CADM1: variants seen among roughly 807,000 people sequenced by gnomAD.
CADM1 encodes TSLC-1.
Under a neutral mutation model 53.1 loss-of-function variants are expected in CADM1, and 15 were observed. The ratio of observed to expected loss-of-function variants is 0.28; its 90% CI spans 0.19 to 0.44. The LOEUF (loss-of-function observed/expected upper bound fraction) is 0.44, where lower values mean the gene tolerates loss of function less well. Ranked by LOEUF, CADM1 falls within the 20% of genes least tolerant of loss-of-function variation. CADM1 has a pLI of 1.00. For synonymous variants in CADM1, 281 were observed against 243.0 expected (o/e 1.16, Z -1.45); for missense variants, 434 against 611.3 (o/e 0.71, Z 3.06).
chr11:115,441,036 T>TC (rs1948297899), intron 1 of CADM1, among the ~76,000 whole-genome samples: 1 of 151,976 alleles, frequency 6.6e-6, no homozygotes, highest in Non-Finnish European at 1.5e-5. Flanking sequence ...CACCTCTTCT[T>TC]CAAGTACAGA....
intron 1 of CADM1, among the ~76,000 whole-genome samples, chr11:115,284,202 C>T (rs1157643770): frequency 1.3e-5 from 2 of 150,896 alleles, no homozygotes; most frequent in Admixed American, 6.6e-5. Flanking sequence ...AAGAGAAGCA[C>T]TTGTAGTTTG....
intron 1 of CADM1, among the ~76,000 whole-genome samples, chr11:115,250,656 T>G (rs1234443850): frequency 6.6e-6 from 1 of 152,252 alleles, no homozygotes; most frequent in Non-Finnish European, 1.5e-5. Context: ...TTTAATCATC[T>G]GCATGATAAC....
intron 1 of CADM1, chr11:115,397,708 T>C (rs1324773436): frequency 6.7e-4 from 2 of 2,994 alleles, no homozygotes; most frequent in Admixed American, 5.4e-3. Flanking sequence ...AATAGAGACA[T>C]TGTACTCTAT....
chr11:115,462,687 T>A (rs1948822130), intron 1 of CADM1, among the ~76,000 whole-genome samples: 1 of 152,144 alleles, frequency 6.6e-6, no homozygotes, highest in Non-Finnish European at 1.5e-5. Flanking sequence ...AGTATCTGAA[T>A]ATCAACGAGG....
At chr11:115,499,090 CT>C (rs1003933370) in intron 1 of CADM1, among the ~76,000 whole-genome samples, 20 of 151,774 alleles carry the variant, frequency 1.3e-4, no homozygotes, top group Non-Finnish European at 8.8e-5. Context: ...GAAAATAAAA[CT>C]TTTTTTTCTT....
chr11:115,176,434 T>C lies in CADM1; in HGVS notation c.*40A>G, dbSNP rs1217028762. The C allele has an allele frequency of 1.2e-6, 2 of 1,611,710 alleles. No homozygotes were observed. Among genetic ancestry groups the C allele is most frequent in the African/African-American group, 1.3e-5 (1 of 75,002 alleles). The stretch of plus-strand genomic sequence containing the variant: ...TATCACTGTCTCTTTATCATCTAAA[T>C]AGGGCCAGTTGGACACCTCATTGAA... On this transcript the variant is annotated 3_prime_UTR_variant, in exon 12 of 12. Transcript: ENST00000331581.
intron 9 of CADM1, among the ~76,000 whole-genome samples, chr11:115,193,411 T>C (rs1371980571): frequency 6.6e-6 from 1 of 152,212 alleles, no homozygotes; most frequent in Non-Finnish European, 1.5e-5. Flanking sequence ...GATGCAAACA[T>C]GGTAATTTAA....
At chr11:115,290,734 C>G (rs143594282) in intron 1 of CADM1, among the ~76,000 whole-genome samples, 2 of 152,046 alleles carry the variant, frequency 1.3e-5, no homozygotes, top group East Asian at 1.9e-4. Context: ...GATGTAATTA[C>G]GAACAGAAAA....
chr11:115,485,897 G>C (rs1415127105), intron 1 of CADM1, among the ~76,000 whole-genome samples: 5 of 152,104 alleles, frequency 3.3e-5, no homozygotes, highest in African/African-American at 1.2e-4. Context: ...ATTTCTACCT[G>C]AATGTTCCAG....
chr11:115,290,553 T>G (rs550393841), intron 1 of CADM1, among the ~76,000 whole-genome samples: 1 of 152,312 alleles, frequency 6.6e-6, no homozygotes, highest in Admixed American at 6.5e-5. Flanking sequence ...GGGTGCTTTA[T>G]GAAGAATTTA....
At chr11:115,261,098 G>C (rs1337955788) in intron 1 of CADM1, among the ~76,000 whole-genome samples, 1 of 152,196 alleles carries the variant, frequency 6.6e-6, no homozygotes, top group Non-Finnish European at 1.5e-5. Flanking sequence ...AGCTGTAAGA[G>C]AGCCTACCAT....
chr11:115,467,976 C>G (rs1384967073), intron 1 of CADM1, among the ~76,000 whole-genome samples: 1 of 152,114 alleles, frequency 6.6e-6, no homozygotes, highest in Non-Finnish European at 1.5e-5. Flanking sequence ...ATTATAGCCA[C>G]CAATAAAAGT....
At chr11:115,467,657 C>T (rs1034108203) in intron 1 of CADM1, among the ~76,000 whole-genome samples, 1 of 152,142 alleles carries the variant, frequency 6.6e-6, no homozygotes, top group African/African-American at 2.4e-5. Context: ...AGAGAGAAGC[C>T]GTAACAGGGA....
chr11:115,480,062 G>C (rs1265765323), intron 1 of CADM1, among the ~76,000 whole-genome samples: 1 of 152,202 alleles, frequency 6.6e-6, no homozygotes, highest in Non-Finnish European at 1.5e-5. Context: ...TGTAAGAACA[G>C]AAATTCCAAA....
chr11:115,190,628 G>A, intron 10 of CADM1: 3 of 480,396 alleles, frequency 6.2e-6, no homozygotes, highest in South Asian at 6.7e-5. Context: ...GAACAGAGGG[G>A]CTTTAGTACA....
At chr11:115,368,206 G>GCA (rs1946221667) in intron 1 of CADM1, among the ~76,000 whole-genome samples, 2 of 147,624 alleles carry the variant, frequency 1.4e-5, no homozygotes, top group East Asian at 4.0e-4. Context: ...AAATTCAGGT[G>GCA]TGGCACGGTT....
chr11:115,216,737 T>C (rs573393333), intron 6 of CADM1, among the ~76,000 whole-genome samples: 25 of 152,002 alleles, frequency 1.6e-4, no homozygotes, highest in African/African-American at 4.8e-4. Context: ...TTCCAGCACA[T>C]GGAGAGGTAA....
At chr11:115,486,915 T>C (rs1250776556) in intron 1 of CADM1, among the ~76,000 whole-genome samples, 2 of 152,164 alleles carry the variant, frequency 1.3e-5, no homozygotes, top group East Asian at 1.9e-4. Flanking sequence ...AATGGAAAGA[T>C]AGAGGTGCCC....
At chr11:115,238,875 T>TGCACACATATATATATATGC (rs1333150935) in intron 2 of CADM1, among the ~76,000 whole-genome samples, 7 of 151,818 alleles carry the variant, frequency 4.6e-5, no homozygotes, top group Non-Finnish European at 8.8e-5. Context: ...TATATATATA[T>TGCACACATATATATATATGC]GCACACATAT....
Sources: allele counts gnomAD v4.1 joint callset (sites outside exome capture counted in the v4.1 genomes callset), GRCh38; gene constraint gnomAD v4.1.1; transcripts MANE v1.5; gene names NCBI Gene and HGNC (gene_info 2026-07-23, HGNC 2026-07-21).